STK33: variants seen among roughly 807,000 people sequenced by gnomAD.
STK33 encodes the protein serine/threonine-protein kinase 33.
In STK33, 52 loss-of-function variants were observed where a neutral mutation model predicts 58.0. That is an observed-to-expected ratio of 0.90 (90% CI 0.72 to 1.13). The LOEUF (loss-of-function observed/expected upper bound fraction) is 1.13. Among genes scored for constraint, STK33 ranks in the 50% most tolerant of loss-of-function variants. The pLI is 0.00. For synonymous variants in STK33, 215 were observed against 200.1 expected (o/e 1.07, Z -0.63); for missense variants, 630 against 604.2 (o/e 1.04, Z -0.45).
At chr11:8,587,025 T>C (rs1334521771) in intron 1 of STK33, among the ~76,000 whole-genome samples, 1 of 152,028 alleles carries the variant, frequency 6.6e-6, no homozygotes, top group Non-Finnish European at 1.5e-5. Flanking sequence ...CTGTGTGTCA[T>C]GTGTATCTGG....
intron 1 of STK33, among the ~76,000 whole-genome samples, chr11:8,534,568 C>CTGTG (rs34999243): frequency 9.1e-4 from 95 of 104,726 alleles, no homozygotes; most frequent in East Asian, 1.1e-3. Flanking sequence ...CTCTCTCTCT[C>CTGTG]TGTGTGTGTG....
chr11:8,471,494 G>A (rs1948776024), intron 6 of STK33, among the ~76,000 whole-genome samples: 1 of 152,156 alleles, frequency 6.6e-6, no homozygotes, highest in Non-Finnish European at 1.5e-5. Context: ...TTATGACAAT[G>A]TGTGTGTGAG....
chr11:8,517,251 C>A (rs191694791), intron 1 of STK33, among the ~76,000 whole-genome samples: 136 of 152,326 alleles, frequency 8.9e-4, no homozygotes, highest in African/African-American at 3.2e-3. Flanking sequence ...CAAACTCCAA[C>A]AGACCTGCAG....
intron 14 of STK33, among the ~76,000 whole-genome samples, chr11:8,427,621 T>A (rs1008118293): frequency 1.3e-5 from 2 of 152,110 alleles, no homozygotes; most frequent in African/African-American, 4.8e-5. Flanking sequence ...CATATATCTT[T>A]TCTTTTATAT....
intron 1 of STK33, among the ~76,000 whole-genome samples, chr11:8,548,762 T>C (rs1956114816): frequency 2.6e-5 from 4 of 152,218 alleles, no homozygotes; most frequent in Admixed American, 1.3e-4. Flanking sequence ...TCCATTTGTT[T>C]GTGTCCTCTT....
chr11:8,404,617 T>C (rs1025905397), intron 15 of STK33, among the ~76,000 whole-genome samples: 2 of 152,228 alleles, frequency 1.3e-5, no homozygotes, highest in African/African-American at 2.4e-5. Context: ...TATTGAGACA[T>C]AGGTTTTTGA....
At chr11:8,430,004 G>A (rs948542827) in intron 14 of STK33, among the ~76,000 whole-genome samples, 1 of 152,092 alleles carries the variant, frequency 6.6e-6, no homozygotes, top group Non-Finnish European at 1.5e-5. Context: ...CTCACATAAC[G>A]CTCCAAGGGT....
the STK33 span, among the ~76,000 whole-genome samples, chr11:8,350,468 C>G: frequency 1.3e-5 from 2 of 152,338 alleles, no homozygotes; most frequent in Admixed American, 1.3e-4. Context: ...CCCACACTGA[C>G]ACACACCCTC....
chr11:8,355,516 C>T, the STK33 span, among the ~76,000 whole-genome samples: 1 of 152,238 alleles, frequency 6.6e-6, no homozygotes, highest in African/African-American at 2.4e-5. Context: ...CTTGGCTGTC[C>T]TCTGACCCTG....
intron 1 of STK33, among the ~76,000 whole-genome samples, chr11:8,498,680 A>G (rs1951256689): frequency 6.6e-6 from 1 of 152,208 alleles, no homozygotes; most frequent in South Asian, 2.1e-4. Context: ...CTAACTTCAA[A>G]CTATATACAA....
chr11:8,369,366 G>A, the STK33 span, among the ~76,000 whole-genome samples: 1 of 147,752 alleles, frequency 6.8e-6, no homozygotes, highest in East Asian at 2.1e-4. Flanking sequence ...TGTGCTATAC[G>A]ATGGCACAGG....
the STK33 span, among the ~76,000 whole-genome samples, chr11:8,365,852 C>A: frequency 6.6e-6 from 1 of 152,186 alleles, no homozygotes; most frequent in Admixed American, 6.5e-5. Flanking sequence ...CCTTCCACCC[C>A]ACAGAGTCCT....
intron 15 of STK33, among the ~76,000 whole-genome samples, chr11:8,404,533 C>T (rs1938730421): frequency 6.6e-6 from 1 of 152,146 alleles, no homozygotes; most frequent in South Asian, 2.1e-4. Context: ...GCATTATGTA[C>T]TCTTTTATAT....
intron 1 of STK33, among the ~76,000 whole-genome samples, chr11:8,539,679 T>C (rs1256911594): frequency 6.6e-6 from 1 of 152,152 alleles, no homozygotes; most frequent in Non-Finnish European, 1.5e-5. Context: ...TCATAAAGAA[T>C]GCCCCTTAGC....
chr11:8,482,686 G>A (rs1371430853), intron 1 of STK33, among the ~76,000 whole-genome samples: 1 of 151,922 alleles, frequency 6.6e-6, no homozygotes, highest in African/African-American at 2.4e-5. Flanking sequence ...GTAAAGCAAA[G>A]ATAACAGCAG....
chr11:8,512,324 G>C (rs540685265), intron 1 of STK33, among the ~76,000 whole-genome samples: 91 of 113,432 alleles, frequency 8.0e-4, no homozygotes, highest in African/African-American at 3.2e-3. Flanking sequence ...GGAAATAGAG[G>C]GTAGATATAC....
Position 8,530,673 on chromosome 11 carries a change from CA to C in STK33, c.-465-50060del, listed in dbSNP as rs1049417546. Among the ~76,000 whole-genome samples the C allele has an allele frequency of 4.6e-5, 7 of 152,198 alleles. 1 individual carries two copies. Among genetic ancestry groups the C allele is most frequent in the Non-Finnish European group, 8.8e-5 (6 of 67,998 alleles). ...AAGGAAACCTTATAGCTTCAAGCTTCAAAAGCATTTCTCTTTTATTTTATTT... is the reference window on the plus strand; with the variant it reads ...AAGGAAACCTTATAGCTTCAAGCTTCAAAGCATTTCTCTTTTATTTTATTT... On this transcript the variant is annotated intron_variant, in intron 1 of 15. Transcript: ENST00000687296.
At chr11:8,492,977 T>G (rs1950748138) in intron 1 of STK33, among the ~76,000 whole-genome samples, 1 of 152,154 alleles carries the variant, frequency 6.6e-6, no homozygotes. Context: ...TAGCACTAAA[T>G]GCCCACAAGA....
chr11:8,355,315 C>G, the STK33 span, among the ~76,000 whole-genome samples: 104,975 of 152,172 alleles, frequency 0.69, 36,419 homozygotes, highest in East Asian at 0.79. Context: ...TACGGCACAC[C>G]TGACTGTTGT....
Sources: allele counts gnomAD v4.1 joint callset (sites outside exome capture counted in the v4.1 genomes callset), GRCh38; gene constraint gnomAD v4.1.1; transcripts MANE v1.5; gene names NCBI Gene and HGNC (gene_info 2026-07-23, HGNC 2026-07-21).